The following CENPVL3 variants were observed in gnomAD, a reference collection of about 807,000 sequenced individuals.
CENPVL3 encodes the protein centromere protein V-like protein 3.
chrX:51,618,562 C>G lies in CENPVL3; in HGVS notation c.312G>C (p.Glu104Asp). 3.4e-6 allele frequency: 1 copy of G among 298,090 alleles called. No individual in the cohort carries two copies. Among genetic ancestry groups the G allele is most frequent in the Non-Finnish European group, 5.9e-6 (1 of 170,366 alleles). 24.6% of individuals were successfully genotyped at this position (298,090 alleles called of 1,213,427 possible). A position where few individuals can be genotyped will look rare whatever the true frequency, so the allele number is the denominator to read the frequency against. Residue 104 changes from glutamate (E) to aspartate (D), a missense_variant, in exon 1 of 1, where the codon GAG (glutamate) becomes GAC (aspartate). Glu to Asp is a conservative substitution (Grantham distance 45, BLOSUM62 2). Transcript: ENST00000417339. ...TGAGGCCCCACAGTTTCCTGAACGT[C>G]TCCCAGCGCTCCCGCTGTGCGCCCA... ...LDLGAQRERW[E>D]TFRKLWGLSC...
Position 51,618,792 on chromosome X carries a change from T to G in CENPVL3, c.82A>C (p.Ile28Leu), listed in dbSNP as rs781839487. 3.4e-6 allele frequency: 1 copy of G among 296,647 alleles called. No homozygotes were observed. The highest frequency in any genetic ancestry group is 4.8e-5 in the East Asian group (1 of 20,944). 24.4% of individuals were successfully genotyped at this position (296,647 alleles called of 1,213,427 possible). A position where few individuals can be genotyped will look rare whatever the true frequency, so the allele number is the denominator to read the frequency against. ...GCGCGGCTGGCGCCCATGACCGCGA[T>G]GGCCGCGCAGGCGGCGGGAGGATCC... ...PGDPPAACAA[I>L]AVMGASRAQC... The change falls in exon 1 of 1, where the codon ATC becomes CTC. Residue 28 changes from isoleucine (I) to leucine (L), a missense_variant. Ile to Leu is a conservative substitution (Grantham distance 5, BLOSUM62 2). Transcript: ENST00000417339.
rs1557340063 is a variant in CENPVL3, at chrX:51,617,342, C to T, written c.*713G>A. On this transcript the variant is annotated 3_prime_UTR_variant, in exon 1 of 1. Transcript: ENST00000417339. ...ATTTACTGATTTCTGAATACTTACACATGTATAAGATAGGTATTTAGAAAG... is the reference window on the plus strand; with the variant it reads ...ATTTACTGATTTCTGAATACTTACATATGTATAAGATAGGTATTTAGAAAG... 1 of 111,531 alleles carries T rather than the reference C, an allele frequency of 9.0e-6. No individual in the cohort carries two copies. Among genetic ancestry groups the T allele is most frequent in the East Asian group, 2.8e-4 (1 of 3,588 alleles). 9.2% of individuals were successfully genotyped at this position (111,531 alleles called of 1,213,427 possible).
chrX:51,618,411 C>G lies in CENPVL3; in HGVS notation c.463G>C (p.Val155Leu). 1 of 287,119 alleles carries G rather than the reference C, an allele frequency of 3.5e-6. No homozygotes were observed. Among genetic ancestry groups the G allele is most frequent in the Non-Finnish European group, 6.0e-6 (1 of 167,054 alleles). 23.7% of individuals were successfully genotyped at this position (287,119 alleles called of 1,213,427 possible). A position where few individuals can be genotyped will look rare whatever the true frequency, so the allele number is the denominator to read the frequency against. ...CTGCACAGCCTGCAGCTGCAATCCA[C>G]GACGCGCAGATCTGCAGGGGCCCAG... ...AVWAPADLRVVDCSCRLCRKK... is the reference protein window; with the variant it reads ...AVWAPADLRVLDCSCRLCRKK... The change falls in exon 1 of 1, where the codon GTG (valine) becomes CTG (leucine). Residue 155 changes from valine to leucine, a missense_variant. Coordinates refer to ENST00000417339, the MANE Select transcript of CENPVL3 (RefSeq NM_001355276.2).
chrX:51,618,641 G>C lies in CENPVL3; in HGVS notation c.233C>G (p.Ser78Cys), dbSNP rs1418976069. 8 of 296,593 alleles carry C rather than the reference G, an allele frequency of 2.7e-5. No homozygotes were observed. The highest frequency in any genetic ancestry group is 1.2e-4 in the Admixed American group (2 of 16,500). The allele number at this position is 296,593 out of a possible 1,213,427, so 24.4% of individuals were successfully genotyped here. A position where few individuals can be genotyped will look rare whatever the true frequency, so the allele number is the denominator to read the frequency against. ...REAGSRDPLPSAPLPDPPAPA... is the reference protein window; with the variant it reads ...REAGSRDPLPCAPLPDPPAPA... ...CGCCGGCGGGTCCGGGAGTGGCGCG[G>C]AGGGCAGCGGATCTCTGGAGCCCGC... The change falls in exon 1 of 1, where the codon TCC becomes TGC. Residue 78 changes from serine to cysteine, a missense_variant. Transcript: ENST00000417339.
chrX:51,618,807 C>T lies in CENPVL3; in HGVS notation c.67G>A (p.Ala23Thr). Residue 23 changes from alanine (A) to threonine (T), a missense_variant, in exon 1 of 1, where the codon GCC becomes ACC. Transcript: ENST00000417339. ...RRRKRPGDPP[A>T]ACAAIAVMGA... is the part of the protein sequence containing the mutation. Reference sequence around the variant, plus strand: ...ATGACCGCGATGGCCGCGCAGGCGGCGGGAGGATCCCCGGGCCGCTTTCGC... The same window carrying T: ...ATGACCGCGATGGCCGCGCAGGCGGTGGGAGGATCCCCGGGCCGCTTTCGC... The T allele has an allele frequency of 6.7e-6, 2 of 297,625 alleles. No homozygotes were observed. Among genetic ancestry groups the T allele is most frequent in the Non-Finnish European group, 1.2e-5 (2 of 170,031 alleles). 24.5% of individuals were successfully genotyped at this position (297,625 alleles called of 1,213,427 possible).
chrX:51,617,329 C>A lies in CENPVL3; in HGVS notation c.*726G>T, dbSNP rs190836157. 1 of 111,317 alleles carries A rather than the reference C, an allele frequency of 9.0e-6. No individual in the cohort carries two copies. Among genetic ancestry groups the A allele is most frequent in the East Asian group, 2.8e-4 (1 of 3,566 alleles). 9.2% of individuals were successfully genotyped at this position (111,317 alleles called of 1,213,427 possible). A position where few individuals can be genotyped will look rare whatever the true frequency, so the allele number is the denominator to read the frequency against. Reference sequence around the variant, plus strand: ...TCTATTATTAAATATTTACTGATTTCTGAATACTTACACATGTATAAGATA... The same window carrying A: ...TCTATTATTAAATATTTACTGATTTATGAATACTTACACATGTATAAGATA... On this transcript the variant is annotated 3_prime_UTR_variant, in exon 1 of 1. Coordinates refer to ENST00000417339, the MANE Select transcript of CENPVL3 (RefSeq NM_001355276.2).
Position 51,618,727 on chromosome X carries a change from C to A in CENPVL3, c.147G>T (p.Ala49=). ...ACTTTCCCAGCCACCTCTTGGCCGC[C>A]GCGTGGCTCCCGACCCCGACTTGGA... ...PRVQVGVGSH[A]AAKRWLGKLR... The change falls in exon 1 of 1, where the codon GCG becomes GCT. Residue 49 remains alanine (A), a synonymous_variant. Transcript: ENST00000417339. The A allele has an allele frequency of 3.4e-6, 1 of 297,478 alleles. No homozygotes were observed. The highest frequency in any genetic ancestry group is 5.9e-6 in the Non-Finnish European group (1 of 169,879). 24.5% of individuals were successfully genotyped at this position (297,478 alleles called of 1,213,427 possible). A position where few individuals can be genotyped will look rare whatever the true frequency, so the allele number is the denominator to read the frequency against.
In CENPVL3 at chrX:51,618,632, A is replaced by G. The variant is rs1288353807; in HGVS notation, c.242T>C (p.Leu81Pro). ...GSRDPLPSAP[L>P]PDPPAPAESP... is the part of the protein sequence containing the mutation. ...CTCGGCGGGCGCCGGCGGGTCCGGG[A>G]GTGGCGCGGAGGGCAGCGGATCTCT... Residue 81 changes from leucine to proline, a missense_variant, in exon 1 of 1, where the codon CTC becomes CCC. Transcript: ENST00000417339. 3.4e-5 allele frequency: 10 copies of G among 296,241 alleles called. No homozygotes were observed. Among genetic ancestry groups the G allele is most frequent in the Admixed American group, 1.2e-4 (2 of 16,470 alleles). The allele number at this position is 296,241 out of a possible 1,213,427, so 24.4% of individuals were successfully genotyped here.
At position 51,618,622 on chromosome X, in the gene CENPVL3, C is replaced by T. The variant is rs782127438; in HGVS notation, c.252G>A (p.Pro84=). 7.1e-4 allele frequency: 212 copies of T among 296,588 alleles called. No individual in the cohort carries two copies. The highest frequency in any genetic ancestry group is 5.2e-3 in the African/African-American group (193 of 36,897). The allele number at this position is 296,588 out of a possible 1,213,427, so 24.4% of individuals were successfully genotyped here. The change falls in exon 1 of 1, where the codon CCG becomes CCA. Residue 84 remains proline, a synonymous_variant. Coordinates refer to ENST00000417339, the MANE Select transcript of CENPVL3 (RefSeq NM_001355276.2). The part of the protein sequence containing the change: ...DPLPSAPLPD[P]PAPAESPKEL... ...CCTTAGGGGACTCGGCGGGCGCCGG[C>T]GGGTCCGGGAGTGGCGCGGAGGGCA... is the stretch of plus-strand genomic sequence containing the variant.
chrX:51,618,704 T>C lies in CENPVL3; in HGVS notation c.170A>G (p.Lys57Arg), dbSNP rs1328328747. 4.7e-5 allele frequency: 14 copies of C among 296,524 alleles called. No homozygotes were observed. The highest frequency in any genetic ancestry group is 6.5e-5 in the Non-Finnish European group (11 of 169,766). 24.4% of individuals were successfully genotyped at this position (296,524 alleles called of 1,213,427 possible). Residue 57 changes from lysine to arginine, a missense_variant, in exon 1 of 1, where the codon AAG becomes AGG. Coordinates refer to ENST00000417339, the MANE Select transcript of CENPVL3 (RefSeq NM_001355276.2). ...SHAAAKRWLG[K>R]LRRKRRWRRA... ...CCGCCACCGGCGCTTCCGCCGCAAC[T>C]TTCCCAGCCACCTCTTGGCCGCCGC...
chrX:51,617,156 A>AT lies in CENPVL3; in HGVS notation c.*898dup, dbSNP rs1420277001. On this transcript the variant is annotated 3_prime_UTR_variant, in exon 1 of 1. Coordinates refer to ENST00000417339, the MANE Select transcript of CENPVL3 (RefSeq NM_001355276.2). ...ATTACATAAATTATGAAAGATCCATATTTTTTAATTCTATGAAGCCATAAA... is the reference window on the plus strand; with the variant it reads ...ATTACATAAATTATGAAAGATCCATATTTTTTTAATTCTATGAAGCCATAAA... 2.7e-5 allele frequency: 3 copies of AT among 112,071 alleles called. No homozygotes were observed. Among genetic ancestry groups the AT allele is most frequent in the Non-Finnish European group, 5.6e-5 (3 of 53,237 alleles). The allele number at this position is 112,071 out of a possible 1,213,427, so 9.2% of individuals were successfully genotyped here. A position where few individuals can be genotyped will look rare whatever the true frequency, so the allele number is the denominator to read the frequency against.
At position 51,618,798 on chromosome X, in the gene CENPVL3, C is replaced by G. The variant is rs1390039836; in HGVS notation, c.76G>C (p.Ala26Pro). 1 of 296,686 alleles carries G rather than the reference C, an allele frequency of 3.4e-6. No individual in the cohort carries two copies. Among genetic ancestry groups the G allele is most frequent in the African/African-American group, 2.7e-5 (1 of 36,879 alleles). 24.5% of individuals were successfully genotyped at this position (296,686 alleles called of 1,213,427 possible). ...CTGGCGCCCATGACCGCGATGGCCG[C>G]GCAGGCGGCGGGAGGATCCCCGGGC... ...KRPGDPPAAC[A>P]AIAVMGASRA... The change falls in exon 1 of 1, where the codon GCG becomes CCG. Residue 26 changes from alanine to proline, a missense_variant. Coordinates refer to ENST00000417339, the MANE Select transcript of CENPVL3 (RefSeq NM_001355276.2).
rs1457246522 is a variant in CENPVL3 at position 51,617,628 on chromosome X, CAT to C, written c.*425_*426del. 7.9e-6 allele frequency: 1 copy of C among 126,749 alleles called. No homozygotes were observed. Among genetic ancestry groups the C allele is most frequent in the Non-Finnish European group, 1.6e-5 (1 of 63,447 alleles). The allele number at this position is 126,749 out of a possible 1,213,427, so 10.4% of individuals were successfully genotyped here. On this transcript the variant is annotated 3_prime_UTR_variant, in exon 1 of 1. Coordinates refer to ENST00000417339, the MANE Select transcript of CENPVL3 (RefSeq NM_001355276.2). ...ATAATGAATGGAAGACGTCCTAGCA[CAT>C]GTTTACAAACTGTTTGTGTGTTGCC...
rs1922301559 is a variant in CENPVL3, at chrX:51,617,216, C to T, written c.*839G>A. 1 of 111,866 alleles carries T rather than the reference C, an allele frequency of 8.9e-6. No homozygotes were observed. The highest frequency in any genetic ancestry group is 1.9e-5 in the Non-Finnish European group (1 of 53,207). 9.2% of individuals were successfully genotyped at this position (111,866 alleles called of 1,213,427 possible). ...CTGATATGTATCATTGAACCCACCA[C>T]TGATTGTTTGATAAAAATTTCAGAT... On this transcript the variant is annotated 3_prime_UTR_variant, in exon 1 of 1. Transcript: ENST00000417339.
Position 51,618,649 on chromosome X carries a change from C to A in CENPVL3, c.225G>T (p.Pro75=), listed in dbSNP as rs375031257. The A allele has an allele frequency of 3.4e-6, 1 of 296,569 alleles. No individual in the cohort carries two copies. 24.4% of individuals were successfully genotyped at this position (296,569 alleles called of 1,213,427 possible). The change falls in exon 1 of 1, where the codon CCG becomes CCT. Residue 75 remains proline, a synonymous_variant. Transcript: ENST00000417339. ...GGTCCGGGAGTGGCGCGGAGGGCAGCGGATCTCTGGAGCCCGCCTCCCGGG... is the reference window on the plus strand; with the variant it reads ...GGTCCGGGAGTGGCGCGGAGGGCAGAGGATCTCTGGAGCCCGCCTCCCGGG... ...RRAREAGSRD[P]LPSAPLPDPP...
rs782160553 is a variant in CENPVL3 at position 51,617,415 on chromosome X, A to G, written c.*640T>C. On this transcript the variant is annotated 3_prime_UTR_variant, in exon 1 of 1. Transcript: ENST00000417339. ...CAGACGTTTCTCATTCCTATCTCCC[A>G]TCTCCTTTCCCAGAGACAGTTTCTA... The G allele has an allele frequency of 8.9e-6, 1 of 112,017 alleles. No individual in the cohort carries two copies. The highest frequency in any genetic ancestry group is 2.8e-4 in the East Asian group (1 of 3,582). 9.2% of individuals were successfully genotyped at this position (112,017 alleles called of 1,213,427 possible).
Position 51,618,738 on chromosome X carries a change from C to G in CENPVL3, c.136G>C (p.Gly46Arg). Residue 46 changes from glycine to arginine, a missense_variant, in exon 1 of 1, where the codon GGG becomes CGG. Gly to Arg is a moderately radical substitution (Grantham distance 125, BLOSUM62 -2). Transcript: ENST00000417339. ...CACCTCTTGGCCGCCGCGTGGCTCC[C>G]GACCCCGACTTGGACCCGGGGGCAC... is the stretch of plus-strand genomic sequence containing the variant. ...AQCPRVQVGV[G>R]SHAAAKRWLG... The G allele has an allele frequency of 6.7e-6, 2 of 297,414 alleles. No individual in the cohort carries two copies. Among genetic ancestry groups the G allele is most frequent in the Non-Finnish European group, 1.2e-5 (2 of 169,852 alleles). 24.5% of individuals were successfully genotyped at this position (297,414 alleles called of 1,213,427 possible). A position where few individuals can be genotyped will look rare whatever the true frequency, so the allele number is the denominator to read the frequency against.
rs1241755448 is a variant in CENPVL3 at position 51,617,808 on chromosome X, CAG to C, written c.*245_*246del. 8 of 274,449 alleles carry C rather than the reference CAG, an allele frequency of 2.9e-5. No homozygotes were observed. Among genetic ancestry groups the C allele is most frequent in the Non-Finnish European group, 4.4e-5 (7 of 158,488 alleles). 22.6% of individuals were successfully genotyped at this position (274,449 alleles called of 1,213,427 possible). On this transcript the variant is annotated 3_prime_UTR_variant, in exon 1 of 1. Coordinates refer to ENST00000417339, the MANE Select transcript of CENPVL3 (RefSeq NM_001355276.2). ...AGATACAATGGATGGTTTGAAAAAT[CAG>C]AGACACTCTTCTTCCTTATCGAATT... is the stretch of plus-strand genomic sequence containing the variant.
rs1238667865 is a variant in CENPVL3 at position 51,617,672 on chromosome X, G to A, written c.*383C>T. 77 of 136,528 alleles carry A rather than the reference G, an allele frequency of 5.6e-4. No homozygotes were observed. The highest frequency in any genetic ancestry group is 1.0e-3 in the Non-Finnish European group (70 of 70,176). 11.3% of individuals were successfully genotyped at this position (136,528 alleles called of 1,213,427 possible). ...TGTGTTGCCGTCCTACACACCAGAC[G>A]CAAAGCGCTGAAAACAACAAGCCTG... On this transcript the variant is annotated 3_prime_UTR_variant, in exon 1 of 1. Coordinates refer to ENST00000417339, the MANE Select transcript of CENPVL3 (RefSeq NM_001355276.2).
Sources: gnomAD v4.1 joint callset for allele counts on GRCh38, gnomAD v4.1.1 for gene constraint, MANE v1.5 for transcripts, NCBI Gene and HGNC (gene_info 2026-07-23, HGNC 2026-07-21) for gene names.